The following DNAH7 variants were observed in gnomAD, a reference collection of about 807,000 sequenced individuals.
DNAH7 encodes dynein axonemal heavy chain 7.
A neutral mutation model predicts 444.6 loss-of-function variants in DNAH7; 397 were observed. The observed-to-expected ratio is 0.89, with a 90% CI of 0.82 to 0.97. The LOEUF (loss-of-function observed/expected upper bound fraction) is 0.97. Ranked by LOEUF, DNAH7 falls within the 50% of genes least tolerant of loss-of-function variation. DNAH7 has a pLI of 0.00. For synonymous variants in DNAH7, 1,636 were observed against 1,624.4 expected (o/e 1.01, Z -0.17); for missense variants, 4,902 against 4,800.8 (o/e 1.02, Z -0.62).
At chr2:195,770,743 A>T (rs1694794723) in intron 61 of DNAH7, among the ~76,000 whole-genome samples, 1 of 152,092 alleles carries the variant, frequency 6.6e-6, no homozygotes, top group Admixed American at 6.6e-5. Context: ...TTTTAGTTTG[A>T]CACAGGGTCT....
chr2:195,886,272 C>G lies in DNAH7; in HGVS notation c.5407G>C (p.Glu1803Gln), dbSNP rs553982815. The change falls in exon 34 of 65, where the codon GAA (glutamate) becomes CAA (glutamine). Residue 1803 changes from glutamate to glutamine, a missense_variant and splice_region_variant. Glu to Gln is a conservative substitution (Grantham distance 29). Coordinates refer to ENST00000312428, the MANE Select transcript of DNAH7 (RefSeq NM_018897.3). The part of the protein sequence containing the change: ...SVEFIRKHTK[E>Q]LSPTSDTNLV... ...TTTGTATCGGAAGTAGGAGATAATTCCTGAAAAGTCAGTAAGAAAAATGAC... is the reference window on the plus strand; with the variant it reads ...TTTGTATCGGAAGTAGGAGATAATTGCTGAAAAGTCAGTAAGAAAAATGAC... The G allele has an allele frequency of 2.2e-5, 36 of 1,608,044 alleles. No homozygotes were observed. In the South Asian group the frequency reaches 3.9e-4, roughly 17 times the overall value.
At chr2:195,749,414 G>C (rs576836743) in intron 63 of DNAH7, among the ~76,000 whole-genome samples, 1 of 151,976 alleles carries the variant, frequency 6.6e-6, no homozygotes, top group Non-Finnish European at 1.5e-5. Flanking sequence ...CATTGTGGAA[G>C]TCAGTGTGGC....
chr2:195,842,063 C>T lies in DNAH7; in HGVS notation c.8945+2939G>A, dbSNP rs540563296. On this transcript the variant is annotated intron_variant, in intron 47 of 64. Transcript: ENST00000312428. Reference sequence around the variant, plus strand: ...GTGTTATTCTTCTCAGTTATTATTGCTACTGAATTAAACCTAATATATCTC... The same window carrying T: ...GTGTTATTCTTCTCAGTTATTATTGTTACTGAATTAAACCTAATATATCTC... Among the ~76,000 whole-genome samples the T allele has an allele frequency of 6.1e-3, 932 of 152,102 alleles. 4 individuals are homozygous for T. The highest frequency in any genetic ancestry group is 1.0e-2 in the Non-Finnish European group (677 of 67,886).
At chr2:195,892,242 C>A (rs1702052233) in intron 30 of DNAH7, among the ~76,000 whole-genome samples, 1 of 151,974 alleles carries the variant, frequency 6.6e-6, no homozygotes, top group Admixed American at 6.6e-5. Flanking sequence ...TAACACTATT[C>A]TAAGTTTATT....
intron 51 of DNAH7, 78 bp from the exon 52 acceptor site, chr2:195,809,949 G>T: frequency 8.6e-7 from 1 of 1,166,552 alleles, no homozygotes; most frequent in Non-Finnish European, 1.1e-6. Flanking sequence ...TTACATGTAT[G>T]TTCTTCTGAT....
chr2:196,051,699 G>A (rs935640541), intron 2 of DNAH7, among the ~76,000 whole-genome samples: 8 of 152,044 alleles, frequency 5.3e-5, no homozygotes, highest in Non-Finnish European at 1.0e-4. Flanking sequence ...CCCAGGAGGC[G>A]GAGGTTGCAG....
chr2:195,897,566 CTG>C, intron 29 of DNAH7, 99 bp downstream of exon 29: 1 of 624,456 alleles, frequency 1.6e-6, no homozygotes, highest in Non-Finnish European at 2.8e-6. Flanking sequence ...TTTCTCTGTA[CTG>C]TGTCATTGTT....
chr2:195,957,150 T>G, intron 19 of DNAH7, 111 bp downstream of exon 19: 1 of 905,950 alleles, frequency 1.1e-6, no homozygotes, highest in Non-Finnish European at 1.6e-6. Context: ...AATGTATGTA[T>G]GAAACAGATA....
chr2:195,990,191 G>A (rs1263462780), intron 12 of DNAH7, among the ~76,000 whole-genome samples: 2 of 152,122 alleles, frequency 1.3e-5, no homozygotes, highest in African/African-American at 4.8e-5. Context: ...TTTTCTTCTA[G>A]CAGTTTCACA....
intron 5 of DNAH7, among the ~76,000 whole-genome samples, chr2:196,042,357 T>C (rs911546909): frequency 2.6e-5 from 4 of 152,050 alleles, no homozygotes; most frequent in African/African-American, 9.7e-5. Context: ...TAGACATATA[T>C]TGAAATATTA....
At chr2:195,912,578 C>G (rs560103768) in intron 24 of DNAH7, among the ~76,000 whole-genome samples, 1 of 152,154 alleles carries the variant, frequency 6.6e-6, no homozygotes, top group African/African-American at 2.4e-5. Flanking sequence ...AAGCCACCTG[C>G]GGCCAGCCCG....
chr2:195,923,493 T>A (rs1197575577), intron 23 of DNAH7, 102 bp downstream of exon 23: 3 of 1,115,078 alleles, frequency 2.7e-6, no homozygotes, highest in Non-Finnish European at 2.6e-6. Context: ...CAGCAAAAGA[T>A]CTCAGATTAC....
intron 61 of DNAH7, among the ~76,000 whole-genome samples, chr2:195,767,804 T>G (rs1224795474): frequency 2.0e-5 from 3 of 151,946 alleles, no homozygotes; most frequent in African/African-American, 7.2e-5. Flanking sequence ...TGCTCTGTAT[T>G]CTTAAAAAAT....
Position 195,855,925 on chromosome 2 carries a change from G to T in DNAH7, c.8481C>A (p.Ala2827=). The change falls in exon 45 of 65, where the codon GCC becomes GCA. Residue 2827 remains alanine (A), a synonymous_variant. Coordinates refer to ENST00000312428, the MANE Select transcript of DNAH7 (RefSeq NM_018897.3). ...LAAAEGELKI[A]MDGLRKKQAA... is the part of the protein sequence containing the mutation. ...CCTGCTTCTTTCTAAGACCATCCAT[G>T]GCAATTTTAAGCTCCCCTTCAGCTG... is the stretch of plus-strand genomic sequence containing the variant. The T allele has an allele frequency of 6.2e-7, 1 of 1,613,678 alleles. No homozygotes were observed. The highest frequency in any genetic ancestry group is 8.5e-7 in the Non-Finnish European group (1 of 1,179,780).
At chr2:195,747,273 C>A (rs1559068204) in intron 63 of DNAH7, among the ~76,000 whole-genome samples, 1 of 152,188 alleles carries the variant, frequency 6.6e-6, no homozygotes, top group African/African-American at 2.4e-5. Context: ...TTCCACAACA[C>A]ATATATCCTC....
intron 63 of DNAH7, among the ~76,000 whole-genome samples, chr2:195,747,786 C>T (rs567483472): frequency 7.3e-5 from 11 of 151,128 alleles, no homozygotes; most frequent in South Asian, 6.2e-4. Flanking sequence ...AATTCAACAA[C>T]CCTTCATGCT....
Position 195,740,870 on chromosome 2 carries a change from C to T in DNAH7, c.11765-1G>A. 1 of 1,521,590 alleles carries T rather than the reference C, an allele frequency of 6.6e-7. No homozygotes were observed. The highest frequency in any genetic ancestry group is 8.8e-7 in the Non-Finnish European group (1 of 1,132,082). The allele number at this position is 1,521,590 out of a possible 1,614,324, so 94.3% of individuals were successfully genotyped here. ...AGAAATAATCCGTGAATGAAAACAC[C>T]TAAATATAAAAGAAACACATTAATA... On this transcript the variant is annotated splice_acceptor_variant, in intron 63 of 64. Transcript: ENST00000312428. LOFTEE classifies it high-confidence loss of function.
At chr2:195,834,542 G>A (rs1574520643) in intron 47 of DNAH7, 182 bp from the exon 48 acceptor site, 5 of 462,820 alleles carry the variant, frequency 1.1e-5, no homozygotes, top group East Asian at 6.4e-5. Context: ...CTACCTGAAC[G>A]GCAACTACAG....
chr2:195,965,172 C>T (rs1285666546), intron 17 of DNAH7, among the ~76,000 whole-genome samples: 1 of 152,122 alleles, frequency 6.6e-6, no homozygotes, highest in Non-Finnish European at 1.5e-5. Flanking sequence ...GGGTTTTCAT[C>T]ATGAAGTGAT....
Sources: gnomAD v4.1 joint callset for allele counts (sites outside exome capture counted in the v4.1 genomes callset) on GRCh38, gnomAD v4.1.1 for gene constraint, MANE v1.5 for transcripts, NCBI Gene and HGNC (gene_info 2026-07-23, HGNC 2026-07-21) for gene names.